SSBP2: variants seen among roughly 807,000 people sequenced by gnomAD.
SSBP2 encodes single stranded DNA binding protein 2, also known as single-stranded DNA-binding protein 2.
Under a neutral mutation model 61.8 loss-of-function variants are expected in SSBP2, and 17 were observed. That is an observed-to-expected ratio of 0.28 (90% CI 0.19 to 0.41). The LOEUF (loss-of-function observed/expected upper bound fraction) is 0.41. Ranked by LOEUF, SSBP2 falls within the 10% of genes least tolerant of loss-of-function variation. The probability of loss-of-function intolerance (pLI) is 1.00; values close to 1 mark genes in which losing one functional copy is unlikely to be tolerated. For missense variants in SSBP2, 310 were observed against 458.7 expected (o/e 0.68, Z 2.96); for synonymous variants, 139 against 141.3 (o/e 0.98, Z 0.12).
chr5:81,727,750 G>A (rs1466803245), intron 1 of SSBP2, among the ~76,000 whole-genome samples: 1 of 151,968 alleles, frequency 6.6e-6, no homozygotes, highest in African/African-American at 2.4e-5. Flanking sequence ...ATTTAACCAG[G>A]GCCAACTATA....
chr5:81,645,906 A>G (rs1292125253), intron 2 of SSBP2, among the ~76,000 whole-genome samples: 1 of 152,214 alleles, frequency 6.6e-6, no homozygotes, highest in African/African-American at 2.4e-5. Flanking sequence ...ACCTAGTTAG[A>G]GAAATGTTTT....
chr5:81,583,306 C>A (rs1317549564), intron 4 of SSBP2, among the ~76,000 whole-genome samples: 1 of 151,944 alleles, frequency 6.6e-6, no homozygotes, highest in Non-Finnish European at 1.5e-5. Flanking sequence ...TAGGTTCCAC[C>A]CACATGTATG....
At chr5:81,561,306 C>T (rs1773025612) in intron 4 of SSBP2, among the ~76,000 whole-genome samples, 1 of 152,044 alleles carries the variant, frequency 6.6e-6, no homozygotes, top group Non-Finnish European at 1.5e-5. Flanking sequence ...TGGCAAACAA[C>T]AATGAGCTTA....
intron 9 of SSBP2, among the ~76,000 whole-genome samples, chr5:81,462,464 AT>A (rs1339398089): frequency 6.6e-6 from 1 of 152,140 alleles, no homozygotes; most frequent in African/African-American, 2.4e-5. Context: ...CCCAAGTGGA[AT>A]TTTTTCCCAA....
intron 3 of SSBP2, among the ~76,000 whole-genome samples, chr5:81,632,688 G>A (rs550566153): frequency 6.6e-6 from 1 of 151,918 alleles, no homozygotes; most frequent in African/African-American, 2.4e-5. Flanking sequence ...CTCTCTCCCT[G>A]TATCTTCAGA....
chr5:81,689,464 A>G (rs1753047510), intron 1 of SSBP2, among the ~76,000 whole-genome samples: 1 of 152,154 alleles, frequency 6.6e-6, no homozygotes, highest in Non-Finnish European at 1.5e-5. Flanking sequence ...AGAATCCTAC[A>G]AGCAGCAAAA....
intron 10 of SSBP2, among the ~76,000 whole-genome samples, chr5:81,450,425 A>G (rs1763693220): frequency 6.6e-6 from 1 of 152,158 alleles, no homozygotes; most frequent in South Asian, 2.1e-4. Context: ...CACTTGGCTC[A>G]TGTTCTTCTG....
chr5:81,569,281 C>T (rs1773669821), intron 4 of SSBP2, among the ~76,000 whole-genome samples: 1 of 152,114 alleles, frequency 6.6e-6, no homozygotes, highest in African/African-American at 2.4e-5. Context: ...AGTTCTATCA[C>T]CTCAAAATTC....
chr5:81,474,614 TA>T, intron 6 of SSBP2, 52 bp from the exon 7 acceptor site: 1 of 1,340,140 alleles, frequency 7.5e-7, no homozygotes, highest in Non-Finnish European at 1.0e-6. Flanking sequence ...ATTTATAAAA[TA>T]AGTTTTTTAA....
At chr5:81,425,607 C>G (rs1761902197) in intron 16 of SSBP2, among the ~76,000 whole-genome samples, 1 of 152,038 alleles carries the variant, frequency 6.6e-6, no homozygotes, top group Admixed American at 6.6e-5. Context: ...GCATGAAAAA[C>G]TATTTTTTTT....
At chr5:81,483,604 T>C (rs1198661596) in intron 6 of SSBP2, among the ~76,000 whole-genome samples, 2 of 152,156 alleles carry the variant, frequency 1.3e-5, no homozygotes, top group Admixed American at 1.3e-4. Context: ...AAGTTATACA[T>C]TGCTGGCTTT....
rs373042637 is a variant in SSBP2, at chr5:81,583,482, T to C, written c.282+31991A>G. On this transcript the variant is annotated intron_variant, in intron 4 of 16. Coordinates refer to ENST00000320672, the MANE Select transcript of SSBP2 (RefSeq NM_012446.5). ...GTCTCTACTAAAAATGCAAAAAAAT[T>C]AGCTGGGCATGGTGGCAGGCGCCTG... Among the ~76,000 whole-genome samples the C allele has an allele frequency of 5.3e-5, 8 of 152,010 alleles. No individual in the cohort carries two copies. In the East Asian group the frequency reaches 1.6e-3, roughly 30 times the overall value.
chr5:81,655,750 C>A (rs1324466535), intron 1 of SSBP2, among the ~76,000 whole-genome samples: 1 of 152,146 alleles, frequency 6.6e-6, no homozygotes, highest in East Asian at 1.9e-4. Context: ...GACTCACTGT[C>A]CCTCAACTAC....
At chr5:81,616,838 G>A (rs1407363482) in intron 3 of SSBP2, among the ~76,000 whole-genome samples, 1 of 152,160 alleles carries the variant, frequency 6.6e-6, no homozygotes, top group East Asian at 1.9e-4. Context: ...CCCAGCAGGG[G>A]CAGACTGACA....
At chr5:81,489,335 A>G (rs758188333) in intron 5 of SSBP2, 26 bp from the exon 6 acceptor site, 3 of 1,582,194 alleles carry the variant, frequency 1.9e-6, no homozygotes, top group Non-Finnish European at 2.6e-6. Context: ...AAATAAACAA[A>G]CAAAACAAAA....
chr5:81,544,670 GA>G (rs941085502), intron 4 of SSBP2, among the ~76,000 whole-genome samples: 1 of 151,924 alleles, frequency 6.6e-6, no homozygotes, highest in African/African-American at 2.4e-5. Context: ...GTTCAAAGGG[GA>G]AAAAAACAGA....
chr5:81,695,679 CTAA>C (rs761633264), intron 1 of SSBP2, among the ~76,000 whole-genome samples: 16 of 151,964 alleles, frequency 1.1e-4, no homozygotes, highest in Non-Finnish European at 2.1e-4. Context: ...TTAGATATTA[CTAA>C]TGTCATTTTT....
In SSBP2 at chr5:81,507,508, C is replaced by A. The variant is rs141356533; in HGVS notation, c.372+6120G>T. On this transcript the variant is annotated intron_variant, in intron 5 of 16. Coordinates refer to ENST00000320672, the MANE Select transcript of SSBP2 (RefSeq NM_012446.5). ...AGAAAACAAAGGTCTATATAGAGTT[C>A]AAAATTAGATATTAACAGGTATATC... 3.9e-5 allele frequency among the ~76,000 whole-genome samples: 6 copies of A among 152,028 alleles called. No homozygotes were observed. In the East Asian group the frequency reaches 1.2e-3, roughly 29 times the overall value.
chr5:81,690,379 C>T (rs570676696), intron 1 of SSBP2, among the ~76,000 whole-genome samples: 1 of 151,902 alleles, frequency 6.6e-6, no homozygotes, highest in East Asian at 1.9e-4. Flanking sequence ...TAAAAAGACA[C>T]AAAGACTGAA....
Sources: allele counts gnomAD v4.1 joint callset (sites outside exome capture counted in the v4.1 genomes callset), GRCh38; gene constraint gnomAD v4.1.1; transcripts MANE v1.5; gene names NCBI Gene and HGNC (gene_info 2026-07-23, HGNC 2026-07-21).